MYO1E: variants seen among roughly 807,000 people sequenced by gnomAD.
MYO1E encodes the protein myosin IE.
In MYO1E, 68 loss-of-function variants were observed where a neutral mutation model predicts 151.1. The ratio of observed to expected loss-of-function variants is 0.45; its 90% confidence interval spans 0.37 to 0.55. The LOEUF is 0.55. Among genes scored for constraint, MYO1E ranks in the 20% least tolerant of loss-of-function variants. The pLI is 0.00. For missense variants in MYO1E, 1,363 were observed against 1,389.3 expected (o/e 0.98, Z 0.30); for synonymous variants, 601 against 501.7 (o/e 1.20, Z -2.64).
Position 59,236,634 on chromosome 15 carries a change from T to C in MYO1E, c.371A>G (p.Tyr124Cys), listed in dbSNP as rs1173635015. 6.2e-7 allele frequency: 1 copy of C among 1,613,988 alleles called. No homozygotes were observed. The highest frequency in any genetic ancestry group is 8.5e-7 in the Non-Finnish European group (1 of 1,179,938). Reference protein sequence around the residue: ...SGAGKTVAAKYIMSYISRVSG... With the variant: ...SGAGKTVAAKCIMSYISRVSG... ...CACTCTGGAGATGTAGCTCATGATA[T>C]ATTTGGCAGCCACTGTTTTTCCAGC... is the stretch of plus-strand genomic sequence containing the variant. Residue 124 changes from tyrosine to cysteine, a missense_variant, in exon 5 of 28, where the codon TAT becomes TGT. Physicochemically the swap from Tyr to Cys is radical, Grantham distance 194. Transcript: ENST00000288235.
At chr15:59,269,484 G>C (rs999238275) in intron 2 of MYO1E, among the ~76,000 whole-genome samples, 1 of 152,152 alleles carries the variant, frequency 6.6e-6, no homozygotes, top group Non-Finnish European at 1.5e-5. Flanking sequence ...GTTAAGTCCG[G>C]ATAAAGTAAG....
chr15:59,271,346 A>T (rs1403794839), intron 2 of MYO1E, among the ~76,000 whole-genome samples: 1 of 152,234 alleles, frequency 6.6e-6, no homozygotes, highest in East Asian at 1.9e-4. Flanking sequence ...TCAGAAGCAA[A>T]GACTCCACTT....
chr15:59,261,082 G>C (rs749854868), intron 3 of MYO1E, among the ~76,000 whole-genome samples: 8 of 151,976 alleles, frequency 5.3e-5, no homozygotes, highest in African/African-American at 1.9e-4. Flanking sequence ...GTGTGGTGGT[G>C]CATGCCTGTA....
intron 1 of MYO1E, among the ~76,000 whole-genome samples, chr15:59,343,297 C>G (rs1326980475): frequency 1.4e-5 from 2 of 142,832 alleles, no homozygotes; most frequent in South Asian, 2.2e-4. Context: ...AGAGTGAACT[C>G]TTTTTTTTTT....
At chr15:59,263,110 A>C (rs1220433921) in intron 2 of MYO1E, among the ~76,000 whole-genome samples, 1 of 152,234 alleles carries the variant, frequency 6.6e-6, no homozygotes, top group East Asian at 1.9e-4. Context: ...TTTACAAATA[A>C]ATTGTTAAAC....
chr15:59,327,729 C>T (rs1342691314), intron 1 of MYO1E, among the ~76,000 whole-genome samples: 1 of 152,140 alleles, frequency 6.6e-6, no homozygotes, highest in African/African-American at 2.4e-5. Context: ...ATTGCCTCTC[C>T]AGCTCGCTGA....
Position 59,188,168 on chromosome 15 carries a change from C to T in MYO1E, c.1854G>A (p.Val618=). 6.2e-7 allele frequency: 1 copy of T among 1,614,196 alleles called. No individual in the cohort carries two copies. The highest frequency in any genetic ancestry group is 1.1e-5 in the South Asian group (1 of 91,082). ...GCCGATAGGCATAGCCAGCTCTTCT[C>T]ACTCGAATGTTCTCTTTCAGACCCA... ...EYLGLKENIR[V]RRAGYAYRRI... is the part of the protein sequence containing the mutation. Residue 618 remains valine (V), a synonymous_variant, in exon 18 of 28, where the codon GTG becomes GTA. Coordinates refer to ENST00000288235, the MANE Select transcript of MYO1E (RefSeq NM_004998.4).
At chr15:59,325,797 C>A (rs1355998515) in intron 1 of MYO1E, among the ~76,000 whole-genome samples, 2 of 152,098 alleles carry the variant, frequency 1.3e-5, no homozygotes, top group African/African-American at 4.8e-5. Flanking sequence ...CTGTAGTGCT[C>A]AATGTCAGCC....
At chr15:59,320,662 T>C (rs1289862259) in intron 1 of MYO1E, among the ~76,000 whole-genome samples, 1 of 152,138 alleles carries the variant, frequency 6.6e-6, no homozygotes, top group African/African-American at 2.4e-5. Flanking sequence ...GACCCTACCT[T>C]TCACCACATA....
chr15:59,202,882 T>C (rs1014350741), intron 15 of MYO1E, among the ~76,000 whole-genome samples: 2 of 152,050 alleles, frequency 1.3e-5, no homozygotes, highest in Non-Finnish European at 2.9e-5. Context: ...GCTGGCACTA[T>C]ATATAGGCAG....
At chr15:59,331,016 T>C (rs1404629139) in intron 1 of MYO1E, among the ~76,000 whole-genome samples, 1 of 152,136 alleles carries the variant, frequency 6.6e-6, no homozygotes, top group Non-Finnish European at 1.5e-5. Flanking sequence ...GCAATCCTCC[T>C]GTGTCGTCCT....
At chr15:59,229,091 C>T (rs1207860110) in intron 6 of MYO1E, among the ~76,000 whole-genome samples, 1 of 152,166 alleles carries the variant, frequency 6.6e-6, no homozygotes, top group Non-Finnish European at 1.5e-5. Flanking sequence ...ACCACCCTTT[C>T]CTTTTGGCAT....
At chr15:59,327,862 G>C (rs1374095726) in intron 1 of MYO1E, among the ~76,000 whole-genome samples, 5 of 152,192 alleles carry the variant, frequency 3.3e-5, no homozygotes, top group Non-Finnish European at 4.4e-5. Flanking sequence ...TGAAGTTAAG[G>C]AAAGGCCAGG....
chr15:59,366,317 TCTCTCTCTCA>T (rs1253997366), intron 1 of MYO1E, among the ~76,000 whole-genome samples: 2 of 149,420 alleles, frequency 1.3e-5, no homozygotes, highest in African/African-American at 4.9e-5. Flanking sequence ...TCTTTCTCTC[TCTCTCTCTCA>T]CTCTCACCCA....
intron 1 of MYO1E, among the ~76,000 whole-genome samples, chr15:59,308,047 T>A (rs1156347727): frequency 6.8e-6 from 1 of 147,376 alleles, no homozygotes; most frequent in African/African-American, 2.5e-5. Flanking sequence ...TGAAACCCTG[T>A]CTCTATTAAA....
At chr15:59,340,531 T>C (rs1174564128) in intron 1 of MYO1E, among the ~76,000 whole-genome samples, 1 of 152,210 alleles carries the variant, frequency 6.6e-6, no homozygotes. Context: ...ACTCACTGTG[T>C]TTTTACCATG....
intron 26 of MYO1E, 89 bp from the exon 27 acceptor site, chr15:59,138,456 C>T: frequency 1.4e-6 from 2 of 1,421,800 alleles, no homozygotes; most frequent in South Asian, 1.2e-5. Flanking sequence ...CCGGCACTGG[C>T]CTGTTCAAGT....
chr15:59,367,617 G>A (rs987578289), intron 1 of MYO1E, among the ~76,000 whole-genome samples: 2 of 152,222 alleles, frequency 1.3e-5, no homozygotes, highest in Non-Finnish European at 2.9e-5. Flanking sequence ...TCTTTAGGGA[G>A]ACCCAGTAGG....
chr15:59,219,622 T>G (rs1461839331), intron 9 of MYO1E, among the ~76,000 whole-genome samples: 2 of 152,238 alleles, frequency 1.3e-5, no homozygotes, highest in Non-Finnish European at 2.9e-5. Context: ...AAAAATGCTT[T>G]GAGCAATAGA....
Sources: allele counts gnomAD v4.1 joint callset (sites outside exome capture counted in the v4.1 genomes callset), GRCh38; gene constraint gnomAD v4.1.1; transcripts MANE v1.5; gene names NCBI Gene and HGNC (gene_info 2026-07-23, HGNC 2026-07-21).